HIVEP1: variants seen among roughly 807,000 people sequenced by gnomAD.
HIVEP1 encodes the protein HIVEP zinc finger 1, also known as zinc finger protein 40.
In HIVEP1, 36 loss-of-function variants were observed where a neutral mutation model predicts 180.0. The observed-to-expected ratio is 0.20, with a 90% CI of 0.15 to 0.26. The LOEUF is 0.26. Among genes scored for constraint, HIVEP1 ranks in the 10% least tolerant of loss-of-function variants. The pLI is 1.00. For missense variants in HIVEP1, 3,143 were observed against 3,268.7 expected (o/e 0.96, Z 0.94); for synonymous variants, 1,239 against 1,239.0 (o/e 1.00, Z 0.00).
Position 12,123,594 on chromosome 6 carries a change from G to A in HIVEP1, c.3799G>A (p.Glu1267Lys). Residue 1267 changes from glutamate (E) to lysine (K), a missense_variant, in exon 4 of 9, where the codon GAA (glutamate) becomes AAA (lysine). Physicochemically the swap from Glu to Lys is moderately conservative, Grantham distance 56. Around this residue, in one of 12 missense-constraint regions of HIVEP1, gnomAD observed 1,357 missense variants for 1,260.5 expected, o/e 1.08. Transcript: ENST00000379388. ...GAAGTTCAGTTGGCCCCAGCGTAGT[G>A]AAACCTTGTCAAAATTGCCAACAGA... Reference protein sequence around the residue: ...SEKFSWPQRSETLSKLPTEKL... With the variant: ...SEKFSWPQRSKTLSKLPTEKL... 6.2e-7 allele frequency: 1 copy of A among 1,614,066 alleles called. No individual in the cohort carries two copies. Among genetic ancestry groups the A allele is most frequent in the Non-Finnish European group, 8.5e-7 (1 of 1,180,028 alleles).
At chr6:12,017,565 T>A (rs1380177994) in intron 2 of HIVEP1, among the ~76,000 whole-genome samples, 4 of 152,240 alleles carry the variant, frequency 2.6e-5, no homozygotes, top group Non-Finnish European at 5.9e-5. Flanking sequence ...CCTGCTTTTA[T>A]TCTCCCGTCT....
At position 12,060,812 on chromosome 6, in the gene HIVEP1, C is replaced by G. The variant is rs116858158; in HGVS notation, c.41-28372C>G. Among the ~76,000 whole-genome samples, 41 of 152,242 alleles carry G rather than the reference C, an allele frequency of 2.7e-4. No homozygotes were observed. The East Asian group carries it at 7.7e-3, about 29-fold the overall frequency. On this transcript the variant is annotated intron_variant, in intron 2 of 8. Transcript: ENST00000379388. The stretch of plus-strand genomic sequence containing the variant: ...GCCATTAAACGGTTGGGAAGGTACT[C>G]TCGGATGCAGAATAAGAAGAATGCA...
intron 2 of HIVEP1, among the ~76,000 whole-genome samples, chr6:12,028,910 C>A (rs1163654743): frequency 6.6e-6 from 1 of 152,198 alleles, no homozygotes. Context: ...TGTTTTCTGG[C>A]TCTTTACATT....
chr6:12,017,288 G>A (rs781418462), intron 2 of HIVEP1, among the ~76,000 whole-genome samples: 15 of 152,186 alleles, frequency 9.9e-5, no homozygotes, highest in Non-Finnish European at 2.1e-4. Context: ...GGCCCTCGCC[G>A]TGAGTGTTAT....
chr6:12,060,739 G>A (rs892306596), intron 2 of HIVEP1, among the ~76,000 whole-genome samples: 1 of 152,188 alleles, frequency 6.6e-6, no homozygotes, highest in Non-Finnish European at 1.5e-5. Context: ...TATGTAAGTG[G>A]TCACACAGAT....
At chr6:12,133,852 C>T (rs1451337497) in intron 6 of HIVEP1, among the ~76,000 whole-genome samples, 1 of 152,052 alleles carries the variant, frequency 6.6e-6, no homozygotes, top group Non-Finnish European at 1.5e-5. Flanking sequence ...GTGGCAGGCG[C>T]CTGTAATCCC....
At chr6:12,107,276 A>T (rs551909400) in intron 3 of HIVEP1, among the ~76,000 whole-genome samples, 1 of 152,376 alleles carries the variant, frequency 6.6e-6, no homozygotes, top group East Asian at 1.9e-4. Context: ...GCAGATGAGC[A>T]TTGGCTTTCA....
At chr6:12,019,435 T>A (rs534642501) in intron 2 of HIVEP1, among the ~76,000 whole-genome samples, 1 of 152,260 alleles carries the variant, frequency 6.6e-6, no homozygotes, top group Non-Finnish European at 1.5e-5. Context: ...GAATATCAGG[T>A]TTGTTGTGCC....
chr6:12,185,067 T>C, the HIVEP1 span, among the ~76,000 whole-genome samples: 4 of 152,242 alleles, frequency 2.6e-5, no homozygotes, highest in Admixed American at 6.5e-5. Context: ...TGAATGTAGC[T>C]ACTGAAAAGT....
At chr6:12,153,735 A>G (rs1759846426) in intron 7 of HIVEP1, among the ~76,000 whole-genome samples, 1 of 152,118 alleles carries the variant, frequency 6.6e-6, no homozygotes, top group Admixed American at 6.5e-5. Context: ...ATAGTGTCCT[A>G]TTAAACAATC....
At chr6:12,206,230 T>A in the HIVEP1 span, among the ~76,000 whole-genome samples, 1 of 152,130 alleles carries the variant, frequency 6.6e-6, no homozygotes, top group African/African-American at 2.4e-5. Context: ...ACCTCCTGAT[T>A]TCAACCAATT....
Position 12,152,711 on chromosome 6 carries a change from T to C in HIVEP1, c.6488-8728T>C, listed in dbSNP as rs111372560. Among the ~76,000 whole-genome samples, 1,255 of 152,294 alleles carry C rather than the reference T, an allele frequency of 8.2e-3. 23 individuals are homozygous for C. The highest frequency in any genetic ancestry group is 0.029 in the African/African-American group (1,185 of 41,552). On this transcript the variant is annotated intron_variant, in intron 7 of 8. Transcript: ENST00000379388. ...ATTCAGAGACAGAAACATCATTCTG[T>C]GCTTATCTCAGTGAAAGAAACCCAG...
chr6:12,065,678 TGTGTGTGTGTGTGC>T (rs1367600352), intron 2 of HIVEP1, among the ~76,000 whole-genome samples: 1 of 76,236 alleles, frequency 1.3e-5, no homozygotes, highest in Non-Finnish European at 2.9e-5. Context: ...TTTGTGTGTG[TGTGTGTGTGTGTGC>T]GTGTGTGTGT....
chr6:12,197,379 G>A, the HIVEP1 span, among the ~76,000 whole-genome samples: 9 of 152,006 alleles, frequency 5.9e-5, no homozygotes, highest in East Asian at 1.4e-3. Flanking sequence ...CTAACATGGC[G>A]AAACCCCGTC....
chr6:12,034,048 T>C (rs1769124483), intron 2 of HIVEP1, among the ~76,000 whole-genome samples: 2 of 152,232 alleles, frequency 1.3e-5, no homozygotes, highest in African/African-American at 4.8e-5. Context: ...AGCCGTGTGC[T>C]GTCTGGAATG....
intron 2 of HIVEP1, among the ~76,000 whole-genome samples, chr6:12,067,326 A>G (rs1289396350): frequency 1.3e-5 from 2 of 152,196 alleles, no homozygotes; most frequent in African/African-American, 4.8e-5. Flanking sequence ...ATGGAAAATT[A>G]ATAATTGGAA....
Position 12,125,419 on chromosome 6 carries a change from C to G in HIVEP1, c.5624C>G (p.Pro1875Arg). ...TSLTLTVRSS[P>R]APSENTHISP... ...TTAACTCTTACAGTTCGAAGTTCAC[C>G]TGCTCCTTCAGAAAATACTCATATT... Residue 1875 changes from proline (P) to arginine (R), a missense_variant, in exon 4 of 9, where the codon CCT (proline) becomes CGT (arginine). Transcript: ENST00000379388. 6.2e-7 allele frequency: 1 copy of G among 1,614,038 alleles called. No individual in the cohort carries two copies. The highest frequency in any genetic ancestry group is 8.5e-7 in the Non-Finnish European group (1 of 1,179,930).
chr6:12,082,409 T>C (rs1380683676), intron 2 of HIVEP1, among the ~76,000 whole-genome samples: 1 of 152,178 alleles, frequency 6.6e-6, no homozygotes, highest in Non-Finnish European at 1.5e-5. Flanking sequence ...AAAAGCACTC[T>C]GATAGGTAGC....
chr6:12,125,376 A>G lies in HIVEP1; in HGVS notation c.5581A>G (p.Ile1861Val), dbSNP rs897014710. The G allele has an allele frequency of 5.0e-6, 8 of 1,614,128 alleles. No individual in the cohort carries two copies. The highest frequency in any genetic ancestry group is 6.8e-6 in the Non-Finnish European group (8 of 1,179,976). The change falls in exon 4 of 9, where the codon ATC (isoleucine) becomes GTC (valine). Residue 1861 changes from isoleucine to valine, a missense_variant. By Grantham distance (29) the Ile-to-Val change is conservative (BLOSUM62 3). Around this residue, in one of 12 missense-constraint regions of HIVEP1, gnomAD observed 1,357 missense variants for 1,260.5 expected, o/e 1.08. Transcript: ENST00000379388. ...PISELQEFEN[I>V]KSSTSLTLTV... ...AAGTGAATTGCAGGAATTTGAAAAC[A>G]TCAAGTCATCCACATCATTAACTCT... is the stretch of plus-strand genomic sequence containing the variant.
Sources: allele counts gnomAD v4.1 joint callset (sites outside exome capture counted in the v4.1 genomes callset), GRCh38; gene constraint gnomAD v4.1.1; regional missense constraint gnomAD v4.1.1; transcripts MANE v1.5; gene names NCBI Gene and HGNC (gene_info 2026-07-23, HGNC 2026-07-21).